AUTS2: variants seen among roughly 807,000 people sequenced by gnomAD.
The protein encoded by AUTS2 is autism susceptibility gene 2 protein.
A neutral mutation model predicts 112.4 loss-of-function variants in AUTS2; 17 were observed. The observed-to-expected ratio is 0.15, with a 90% CI of 0.10 to 0.23. AUTS2 has a LOEUF of 0.23. AUTS2 is among the 10% of genes least tolerant of loss of function. The pLI, the probability that AUTS2 is intolerant of heterozygous loss-of-function variation, is 1.00. For missense variants in AUTS2, 1,510 were observed against 1,701.6 expected, an observed-to-expected ratio of 0.89 and a Z score of 1.98; for synonymous variants, 751 against 702.7, an observed-to-expected ratio of 1.07 and a Z score of -1.09.
chr7:69,964,949 C>T (rs901368856), intron 2 of AUTS2, among the ~76,000 whole-genome samples: 23 of 151,992 alleles, frequency 1.5e-4, no homozygotes, highest in African/African-American at 4.6e-4. Flanking sequence ...TCCCCTCACC[C>T]CTCACCACCT....
At chr7:70,290,283 TA>T (rs982361682) in intron 4 of AUTS2, 23 of 1,287,788 alleles carry the variant, frequency 1.8e-5, no homozygotes, top group Admixed American at 4.1e-5. Flanking sequence ...ACCAATGATG[TA>T]AAAAAAACAT....
intron 4 of AUTS2, among the ~76,000 whole-genome samples, chr7:70,277,146 C>T (rs1787966852): frequency 6.6e-6 from 1 of 151,990 alleles, no homozygotes; most frequent in African/African-American, 2.4e-5. Context: ...TGATGGACTC[C>T]TAGGATGGAT....
intron 5 of AUTS2, among the ~76,000 whole-genome samples, chr7:70,617,448 G>A (rs1332977756): frequency 6.6e-6 from 1 of 152,162 alleles, no homozygotes; most frequent in African/African-American, 2.4e-5. Context: ...GGATCATGAG[G>A]TCAGGAGATC....
At chr7:69,806,286 A>AT (rs1365744386) in intron 1 of AUTS2, among the ~76,000 whole-genome samples, 1 of 145,648 alleles carries the variant, frequency 6.9e-6, no homozygotes, top group African/African-American at 2.6e-5. Flanking sequence ...ACAAAACTCA[A>AT]TTTTTTTTAC....
chr7:69,867,934 T>C (rs1360576472), intron 1 of AUTS2, among the ~76,000 whole-genome samples: 4 of 152,118 alleles, frequency 2.6e-5, no homozygotes, highest in Non-Finnish European at 4.4e-5. Flanking sequence ...TCTCATGCAA[T>C]ATTTGAGAAT....
At chr7:69,947,442 T>C (rs1796858844) in intron 2 of AUTS2, among the ~76,000 whole-genome samples, 1 of 152,216 alleles carries the variant, frequency 6.6e-6, no homozygotes, top group Non-Finnish European at 1.5e-5. Context: ...TTGATTGAGA[T>C]AGATCGTTGC....
intron 4 of AUTS2, among the ~76,000 whole-genome samples, chr7:70,245,170 A>ATATATATATATATATATAT (rs57817453): frequency 3.7e-5 from 5 of 133,814 alleles, no homozygotes; most frequent in African/African-American, 9.2e-5. Context: ...ATATATATAT[A>ATATATATATATATATATAT]AAAAATAAAA....
chr7:69,777,488 T>C lies in AUTS2; in HGVS notation c.310-121798T>C, dbSNP rs147862653. On this transcript the variant is annotated intron_variant, in intron 1 of 18. Coordinates refer to ENST00000342771, the MANE Select transcript of AUTS2 (RefSeq NM_015570.4). ...GAATTTCTTAAGCAGTTCCTGTGAA[T>C]GTTTCCTTTTTATGTAGATCATTTC... is the stretch of plus-strand genomic sequence containing the variant. 3.9e-5 allele frequency among the ~76,000 whole-genome samples: 6 copies of C among 152,310 alleles called. No individual in the cohort carries two copies. The East Asian group carries it at 1.2e-3, about 29-fold the overall frequency.
chr7:70,701,334 C>G (rs1809446532), intron 6 of AUTS2, among the ~76,000 whole-genome samples: 1 of 152,128 alleles, frequency 6.6e-6, no homozygotes, highest in Non-Finnish European at 1.5e-5. Flanking sequence ...GGCTCGAGGC[C>G]CATCAGTCAG....
intron 4 of AUTS2, among the ~76,000 whole-genome samples, chr7:70,400,998 C>G (rs1262519194): frequency 6.6e-6 from 1 of 152,120 alleles, no homozygotes; most frequent in East Asian, 1.9e-4. Flanking sequence ...CTTGCAACAA[C>G]AATCCCGGCA....
At chr7:69,820,691 G>A (rs957020247) in intron 1 of AUTS2, among the ~76,000 whole-genome samples, 1 of 152,204 alleles carries the variant, frequency 6.6e-6, no homozygotes. Context: ...GGCAGTGTTT[G>A]CTGGGGAGAG....
At chr7:69,675,505 G>GTTTTTTTTTT (rs751222506) in intron 1 of AUTS2, among the ~76,000 whole-genome samples, 1 of 114,220 alleles carries the variant, frequency 8.8e-6, no homozygotes, top group Non-Finnish European at 1.8e-5. Context: ...TTGGCTGAGG[G>GTTTTTTTTTT]TTTTTTTTTT....
chr7:69,704,706 G>A (rs1177973853), intron 1 of AUTS2, among the ~76,000 whole-genome samples: 2 of 152,210 alleles, frequency 1.3e-5, no homozygotes, highest in Middle Eastern at 3.4e-3. Context: ...CAGGTGCCTC[G>A]ACAAGCATTG....
intron 1 of AUTS2, among the ~76,000 whole-genome samples, chr7:69,825,059 GA>G (rs1791179390): frequency 6.6e-6 from 1 of 152,136 alleles, no homozygotes; most frequent in African/African-American, 2.4e-5. Flanking sequence ...GGCCATTTTA[GA>G]AAGAAATTTC....
intron 5 of AUTS2, among the ~76,000 whole-genome samples, chr7:70,469,300 C>G (rs1304938860): frequency 1.3e-5 from 2 of 152,094 alleles, no homozygotes; most frequent in South Asian, 2.1e-4. Context: ...GAGATAAGAG[C>G]AAGGTGTGAG....
At chr7:70,073,736 G>T (rs559304582) in intron 2 of AUTS2, among the ~76,000 whole-genome samples, 1 of 152,250 alleles carries the variant, frequency 6.6e-6, no homozygotes, top group African/African-American at 2.4e-5. Flanking sequence ...TATGAGTTGT[G>T]TAAAGTTTCT....
At chr7:70,600,263 TTTTTG>T (rs558970609) in intron 5 of AUTS2, among the ~76,000 whole-genome samples, 15 of 152,248 alleles carry the variant, frequency 9.9e-5, no homozygotes, top group East Asian at 7.7e-4. Context: ...GTTTTTAGGT[TTTTTG>T]TTTTGTTTTG....
chr7:70,003,648 TTATATATGAATATATATAA>T (rs1425099646), intron 2 of AUTS2, among the ~76,000 whole-genome samples: 19 of 128,052 alleles, frequency 1.5e-4, no homozygotes, highest in South Asian at 2.4e-4. Flanking sequence ...TATGAATGTG[TTATATATGAATATATATAA>T]TATATATGAA....
At chr7:70,460,747 A>G (rs1314919704) in intron 5 of AUTS2, among the ~76,000 whole-genome samples, 3 of 152,082 alleles carry the variant, frequency 2.0e-5, no homozygotes, top group Non-Finnish European at 4.4e-5. Context: ...TTTACTTCGA[A>G]TGTCTCTGTC....
Sources: gnomAD v4.1 joint callset for allele counts (sites outside exome capture counted in the v4.1 genomes callset) on GRCh38, gnomAD v4.1.1 for gene constraint, MANE v1.5 for transcripts, NCBI Gene and HGNC (gene_info 2026-07-23, HGNC 2026-07-21) for gene names.